RGS7: variants seen among roughly 807,000 people sequenced by gnomAD.
The protein encoded by RGS7 is regulator of G protein signaling 7.
Under a neutral mutation model 81.1 loss-of-function variants are expected in RGS7, and 27 were observed. That is an observed-to-expected ratio of 0.33 (90% CI 0.25 to 0.46). The LOEUF (loss-of-function observed/expected upper bound fraction) is 0.46. Ranked by LOEUF, RGS7 falls within the 20% of genes least tolerant of loss-of-function variation. RGS7 has a pLI of 1.00. For synonymous variants in RGS7, 208 were observed against 207.7 expected, an observed-to-expected ratio of 1.00 and a Z score of -0.01; for missense variants, 396 against 607.4, an observed-to-expected ratio of 0.65 and a Z score of 3.66.
rs1208458944 is a variant in RGS7, at chr1:241,327,116, A to AG, written c.78+28582_78+28583insC. On this transcript the variant is annotated intron_variant, in intron 2 of 18. Transcript: ENST00000440928. ...AAAGAAAGAAAGAAAGAAAGAAAGA[A>AG]AGAAAGAAAGAAAGAAAGAAAGAAA... 1.4e-3 allele frequency among the ~76,000 whole-genome samples: 153 copies of AG among 110,978 alleles called. 7 individuals are homozygous for AG. The highest frequency in any genetic ancestry group is 4.7e-3 in the African/African-American group (141 of 29,742). The allele number at this position is 110,978 out of a possible 152,430, so 72.8% of individuals were successfully genotyped here.
chr1:241,294,520 G>A (rs1042204218), intron 2 of RGS7, among the ~76,000 whole-genome samples: 2 of 152,124 alleles, frequency 1.3e-5, no homozygotes, highest in Non-Finnish European at 2.9e-5. Flanking sequence ...TTGAAGAAAA[G>A]GAAATTTTAA....
chr1:240,937,925 T>C (rs116294060), intron 4 of RGS7, among the ~76,000 whole-genome samples: 4,132 of 152,298 alleles, frequency 0.027, 77 homozygotes, highest in Middle Eastern at 0.058. Flanking sequence ...ACTAAGGCTG[T>C]AATACTCATA....
At chr1:241,338,850 T>C (rs922253122) in intron 2 of RGS7, among the ~76,000 whole-genome samples, 8 of 152,070 alleles carry the variant, frequency 5.3e-5, no homozygotes, top group African/African-American at 1.9e-4. Flanking sequence ...TCATCACTGA[T>C]TCCTTATCCC....
intron 6 of RGS7, among the ~76,000 whole-genome samples, chr1:240,885,896 T>C (rs1414640134): frequency 6.6e-6 from 1 of 152,126 alleles, no homozygotes; most frequent in African/African-American, 2.4e-5. Flanking sequence ...CTCCCAAACC[T>C]AAGATAAAAG....
chr1:241,136,364 C>A (rs1044970712), intron 2 of RGS7, among the ~76,000 whole-genome samples: 1 of 152,158 alleles, frequency 6.6e-6, no homozygotes, highest in Non-Finnish European at 1.5e-5. Flanking sequence ...GAACATTGGT[C>A]TTCACCCTTT....
chr1:240,930,489 A>T (rs1675246203), intron 6 of RGS7, among the ~76,000 whole-genome samples: 1 of 152,094 alleles, frequency 6.6e-6, no homozygotes, highest in Non-Finnish European at 1.5e-5. Flanking sequence ...TAACCTAATC[A>T]GAAGGCTTTC....
chr1:240,799,698 T>C (rs182235442), intron 18 of RGS7, among the ~76,000 whole-genome samples: 40 of 152,290 alleles, frequency 2.6e-4, no homozygotes, highest in Non-Finnish European at 5.1e-4. Context: ...TTATAACATC[T>C]ACCACCACAG....
chr1:240,917,381 G>A (rs971925989), intron 6 of RGS7, among the ~76,000 whole-genome samples: 5 of 152,132 alleles, frequency 3.3e-5, no homozygotes, highest in Admixed American at 1.3e-4. Flanking sequence ...TAATTGATCT[G>A]ATGGATAAAA....
intron 6 of RGS7, among the ~76,000 whole-genome samples, chr1:240,923,569 A>G (rs1003664538): frequency 2.0e-5 from 3 of 152,126 alleles, no homozygotes; most frequent in African/African-American, 7.2e-5. Context: ...TCAAAAACAG[A>G]CATGCAGGGA....
intron 3 of RGS7, among the ~76,000 whole-genome samples, chr1:241,067,957 G>A (rs1428306490): frequency 6.6e-6 from 1 of 151,542 alleles, no homozygotes; most frequent in Non-Finnish European, 1.5e-5. Flanking sequence ...GCTCCCATCT[G>A]AATGTAGACA....
chr1:241,315,086 CTT>C (rs1185938615), intron 2 of RGS7, among the ~76,000 whole-genome samples: 4 of 56,700 alleles, frequency 7.1e-5, no homozygotes, highest in Non-Finnish European at 1.5e-4. Flanking sequence ...ACAGTAGAAG[CTT>C]TTTTTTTTTC....
rs556881503 is a variant in RGS7, at chr1:241,136,866, A to T, written c.79-38104T>A. ...CTTCCTTTGCATTAAAAAATGTGTA[A>T]TTTTCATATGTTAGAGCTAGAAGGG... On this transcript the variant is annotated intron_variant, in intron 2 of 18. Transcript: ENST00000440928. 2.6e-5 allele frequency among the ~76,000 whole-genome samples: 4 copies of T among 152,142 alleles called. No individual in the cohort carries two copies. In the South Asian group the frequency reaches 6.2e-4, roughly 24 times the overall value.
chr1:241,255,231 T>A (rs2077006642), intron 2 of RGS7, among the ~76,000 whole-genome samples: 1 of 152,154 alleles, frequency 6.6e-6, no homozygotes, highest in Non-Finnish European at 1.5e-5. Flanking sequence ...GAGTCCTAAT[T>A]TATGAGGTAT....
chr1:241,205,549 C>G (rs910247803), intron 2 of RGS7, among the ~76,000 whole-genome samples: 3 of 151,842 alleles, frequency 2.0e-5, no homozygotes, highest in Admixed American at 2.0e-4. Context: ...CAGCCTCCAC[C>G]CCCCAGGTTC....
intron 2 of RGS7, among the ~76,000 whole-genome samples, chr1:241,103,766 C>A (rs1218318916): frequency 1.3e-5 from 2 of 152,062 alleles, no homozygotes; most frequent in Non-Finnish European, 2.9e-5. Context: ...CCCAGCTACC[C>A]AGGAGGCTGA....
At chr1:240,911,620 A>G (rs1056978240) in intron 6 of RGS7, among the ~76,000 whole-genome samples, 13 of 152,198 alleles carry the variant, frequency 8.5e-5, no homozygotes, top group Admixed American at 8.5e-4. Flanking sequence ...CTAAACATCC[A>G]GCTATCTGTA....
chr1:241,227,032 A>T (rs1388338499), intron 2 of RGS7, among the ~76,000 whole-genome samples: 2 of 152,206 alleles, frequency 1.3e-5, no homozygotes, highest in African/African-American at 4.8e-5. Context: ...TGGGATCTGA[A>T]GCAGCAATAA....
intron 3 of RGS7, among the ~76,000 whole-genome samples, chr1:241,078,974 A>G (rs546409164): frequency 6.6e-6 from 1 of 152,306 alleles, no homozygotes; most frequent in African/African-American, 2.4e-5. Flanking sequence ...GAGAATATCC[A>G]ATCTTCTAAA....
chr1:241,143,399 A>T (rs917735032), intron 2 of RGS7, among the ~76,000 whole-genome samples: 1 of 152,220 alleles, frequency 6.6e-6, no homozygotes, highest in African/African-American at 2.4e-5. Context: ...TTGCAGTTCC[A>T]TGTGGCTAGG....
Sources: allele counts gnomAD v4.1 joint callset (sites outside exome capture counted in the v4.1 genomes callset), GRCh38; gene constraint gnomAD v4.1.1; transcripts MANE v1.5; gene names NCBI Gene and HGNC (gene_info 2026-07-23, HGNC 2026-07-21).